KLF8: variants seen among roughly 807,000 people sequenced by gnomAD.
The protein encoded by KLF8 is KLF transcription factor 8.
A neutral mutation model predicts 18.2 loss-of-function variants in KLF8; 10 were observed. That is an observed-to-expected ratio of 0.55 (90% CI 0.34 to 0.93). The LOEUF is 0.93. Among genes scored for constraint, KLF8 ranks in the 40% least tolerant of loss-of-function variants. The probability of loss-of-function intolerance (pLI) is 0.02; values close to 1 mark genes in which losing one functional copy is unlikely to be tolerated. For synonymous variants in KLF8, 109 were observed against 97.3 expected, an observed-to-expected ratio of 1.12 and a Z score of -0.71; for missense variants, 264 against 277.9, an observed-to-expected ratio of 0.95 and a Z score of 0.36.
chrX:56,096,648 A>G, the KLF8 span, among the ~76,000 whole-genome samples: 2 of 111,463 alleles, frequency 1.8e-5, no homozygotes, highest in Middle Eastern at 4.7e-3. Context: ...AAGAAGCAGA[A>G]CAAATGTTAG....
the KLF8 span, among the ~76,000 whole-genome samples, chrX:56,132,847 C>T: frequency 2.2e-4 from 24 of 111,288 alleles, no homozygotes; most frequent in Admixed American, 1.9e-3. Context: ...CAACCAGCAC[C>T]ATAGAAATAT....
the KLF8 span, among the ~76,000 whole-genome samples, chrX:55,941,531 C>A: frequency 2.7e-5 from 3 of 111,788 alleles, no homozygotes; most frequent in African/African-American, 9.8e-5. Flanking sequence ...GGATCTAATT[C>A]AACTAAAGAG....
intron 3 of KLF8, chrX:56,266,576 T>C (rs1030528935): frequency 1.3e-6 from 1 of 746,219 alleles, no homozygotes; most frequent in East Asian, 1.5e-4. Flanking sequence ...ATTTTATTTT[T>C]AAAATAAGTT....
At chrX:56,193,445 T>A in the KLF8 span, among the ~76,000 whole-genome samples, 2 of 111,768 alleles carry the variant, frequency 1.8e-5, no homozygotes, top group Admixed American at 1.9e-4. Flanking sequence ...TGTTGCCATA[T>A]GATCCAGCAA....
chrX:55,935,360 T>G, the KLF8 span, among the ~76,000 whole-genome samples: 2 of 111,858 alleles, frequency 1.8e-5, no homozygotes, highest in African/African-American at 6.5e-5. Flanking sequence ...GGGAGCTTGT[T>G]AGAAATGTGT....
chrX:56,104,532 C>G, the KLF8 span, among the ~76,000 whole-genome samples: 63 of 111,264 alleles, frequency 5.7e-4, no homozygotes, highest in African/African-American at 2.0e-3. Context: ...TCTGATGGTA[C>G]TTTGTATTTC....
At chrX:55,934,213 TGTTACCTATCA>T in the KLF8 span, among the ~76,000 whole-genome samples, 17 of 111,977 alleles carry the variant, frequency 1.5e-4, no homozygotes, top group African/African-American at 4.5e-4. Flanking sequence ...ACTGTATTTC[TGTTACCTATCA>T]GAGTCATGGT....
the KLF8 span, among the ~76,000 whole-genome samples, chrX:55,983,133 C>G: frequency 4.5e-5 from 5 of 111,571 alleles, no homozygotes; most frequent in Non-Finnish European, 7.5e-5. Flanking sequence ...TTTGCAACCT[C>G]TGAGTGATTA....
chrX:56,156,975 G>A, the KLF8 span, among the ~76,000 whole-genome samples: 2 of 109,118 alleles, frequency 1.8e-5, no homozygotes, highest in Non-Finnish European at 3.8e-5. Flanking sequence ...CAAAGACCTG[G>A]AATCAACCCA....
chrX:56,116,667 A>G, the KLF8 span, among the ~76,000 whole-genome samples: 1 of 99,383 alleles, frequency 1.0e-5, no homozygotes, highest in Non-Finnish European at 2.0e-5. Context: ...ATATATATAT[A>G]GTGAAATGAT....
At chrX:56,158,853 C>G in the KLF8 span, among the ~76,000 whole-genome samples, 2 of 111,670 alleles carry the variant, frequency 1.8e-5, no homozygotes, top group Admixed American at 9.6e-5. Context: ...TTGACTTCCT[C>G]TTTTCCTAAT....
chrX:56,230,326 A>T (rs1292531681), upstream of KLF8, among the ~76,000 whole-genome samples: 4 of 112,422 alleles, frequency 3.6e-5, no homozygotes, highest in East Asian at 1.1e-3. Flanking sequence ...TGCTCAAAAC[A>T]GTGCTGTAGT....
At chrX:56,085,367 C>T in the KLF8 span, among the ~76,000 whole-genome samples, 1 of 112,026 alleles carries the variant, frequency 8.9e-6, no homozygotes, top group Non-Finnish European at 1.9e-5. Context: ...CAGTGTAGTT[C>T]AAAGGCCTGA....
the KLF8 span, among the ~76,000 whole-genome samples, chrX:56,056,143 T>A: frequency 8.9e-6 from 1 of 111,859 alleles, no homozygotes; most frequent in Non-Finnish European, 1.9e-5. Flanking sequence ...CACTCTGGCC[T>A]TTTGAGTTGT....
At chrX:56,224,485 C>G in the KLF8 span, among the ~76,000 whole-genome samples, 17 of 111,779 alleles carry the variant, frequency 1.5e-4, no homozygotes, top group Non-Finnish European at 3.0e-4. Flanking sequence ...AAAAGCAATA[C>G]ATGATCTTTA....
chrX:56,170,996 C>T, the KLF8 span, among the ~76,000 whole-genome samples: 3 of 111,504 alleles, frequency 2.7e-5, no homozygotes, highest in Non-Finnish European at 5.6e-5. Context: ...GACTTTTCAG[C>T]GGAAACCTTA....
the KLF8 span, among the ~76,000 whole-genome samples, chrX:56,190,936 C>A: frequency 9.1e-6 from 1 of 110,396 alleles, no homozygotes; most frequent in African/African-American, 3.3e-5. Flanking sequence ...AACAAAACCC[C>A]AAATTAGTAG....
chrX:56,038,728 C>A, the KLF8 span, among the ~76,000 whole-genome samples: 1 of 112,549 alleles, frequency 8.9e-6, no homozygotes, highest in Non-Finnish European at 1.9e-5. Context: ...TCGGTATATA[C>A]CCAGTAATGG....
At chrX:56,214,949 T>A in the KLF8 span, among the ~76,000 whole-genome samples, 4 of 112,105 alleles carry the variant, frequency 3.6e-5, no homozygotes, top group Admixed American at 9.4e-5. Context: ...ACATAACAGG[T>A]GTTATGCTCA....
Sources: allele counts gnomAD v4.1 joint callset (sites outside exome capture counted in the v4.1 genomes callset), GRCh38; gene constraint gnomAD v4.1.1; transcripts MANE v1.5; gene names NCBI Gene and HGNC (gene_info 2026-07-23, HGNC 2026-07-21).